The following KCNQ1 variants were observed in gnomAD, a reference collection of about 807,000 sequenced individuals.
KCNQ1 encodes the protein potassium voltage-gated channel subfamily KQT member 1.
Under a neutral mutation model 72.4 loss-of-function variants are expected in KCNQ1, and 49 were observed. The observed-to-expected ratio is 0.68, with a 90% CI of 0.54 to 0.86. The LOEUF (loss-of-function observed/expected upper bound fraction) is 0.86, where lower values mean the gene tolerates loss of function less well. KCNQ1 is among the 40% of genes least tolerant of loss of function. KCNQ1 has a pLI of 0.00. For missense variants in KCNQ1, 790 were observed against 945.1 expected (o/e 0.84, Z 2.15); for synonymous variants, 450 against 412.6 (o/e 1.09, Z -1.10).
intron 10 of KCNQ1, chr11:2,622,532 A>G: frequency 2.5e-6 from 1 of 398,422 alleles, no homozygotes; most frequent in Non-Finnish European, 4.4e-6. Context: ...AATTTAATCG[A>G]CTTACATTTA....
At chr11:2,552,798 A>T (rs998746293) in intron 2 of KCNQ1, among the ~76,000 whole-genome samples, 1 of 151,942 alleles carries the variant, frequency 6.6e-6, no homozygotes, top group African/African-American at 2.4e-5. Flanking sequence ...AGTAATACCG[A>T]GTTTTCCGAT....
Position 2,630,880 on chromosome 11 carries a change from T to A in KCNQ1, c.1394-31081T>A, listed in dbSNP as rs185376542. 2.5e-5 allele frequency: 10 copies of A among 398,538 alleles called. No homozygotes were observed. The Admixed American group carries it at 4.0e-4, about 16-fold the overall frequency. The allele number at this position is 398,538 out of a possible 1,614,324, so 24.7% of individuals were successfully genotyped here. ...TATTCTTAGATGGCAGTTTTTTATC[T>A]TTCAGAACTTTGAATATATAATCCT... On this transcript the variant is annotated intron_variant, in intron 10 of 15. Transcript: ENST00000155840.
intron 11 of KCNQ1, chr11:2,688,964 A>T (rs1850543693): frequency 1.0e-5 from 4 of 398,616 alleles, no homozygotes; most frequent in Non-Finnish European, 1.8e-5. Flanking sequence ...GGGCTCTGAG[A>T]GTAGGGGTCT....
intron 6 of KCNQ1, among the ~76,000 whole-genome samples, chr11:2,573,397 G>A (rs952179394): frequency 6.6e-6 from 1 of 152,130 alleles, no homozygotes; most frequent in Non-Finnish European, 1.5e-5. Context: ...CATACCTCGC[G>A]TGTCTCTGAG....
chr11:2,718,649 A>C (rs565278127), intron 11 of KCNQ1, among the ~76,000 whole-genome samples: 1 of 152,312 alleles, frequency 6.6e-6, no homozygotes, highest in Admixed American at 6.5e-5. Context: ...ATGACTCCCC[A>C]GCTGGCTCCG....
rs1181389832 is a variant in KCNQ1, at chr11:2,769,017, G to A, written c.1590+98G>A. On this transcript the variant is annotated intron_variant, in intron 12 of 15. Transcript: ENST00000155840. This position sits in a 1 kb window ranked among gnomAD's most constrained non-coding sequence, Gnocchi z 4.6. Reference sequence around the variant, plus strand: ...TGGGTTCTCTCCTGCCCATAGTGGAGGGTGTCAAGGCCTCCGCCCCCAAGC... The same window carrying A: ...TGGGTTCTCTCCTGCCCATAGTGGAAGGTGTCAAGGCCTCCGCCCCCAAGC... The A allele has an allele frequency of 9.6e-7, 1 of 1,037,192 alleles. No homozygotes were observed. Among genetic ancestry groups the A allele is most frequent in the Non-Finnish European group, 1.5e-6 (1 of 668,386 alleles). The allele number at this position is 1,037,192 out of a possible 1,614,324, so 64.2% of individuals were successfully genotyped here. A position where few individuals can be genotyped will look rare whatever the true frequency, so the allele number is the denominator to read the frequency against.
At chr11:2,786,546 A>G (rs945478927) in intron 15 of KCNQ1, among the ~76,000 whole-genome samples, 4 of 150,700 alleles carry the variant, frequency 2.7e-5, no homozygotes, top group African/African-American at 9.7e-5. Flanking sequence ...ATTGGCCAGT[A>G]GTAGACCACC....
intron 1 of KCNQ1, among the ~76,000 whole-genome samples, chr11:2,505,860 C>G (rs1847095516): frequency 6.6e-6 from 1 of 152,168 alleles, no homozygotes; most frequent in Admixed American, 6.5e-5. Flanking sequence ...CACTTTCAAT[C>G]TTTTTGTGTC....
At chr11:2,814,498 TGGAG>T (rs1194663202) in intron 15 of KCNQ1, among the ~76,000 whole-genome samples, 1 of 147,232 alleles carries the variant, frequency 6.8e-6, no homozygotes, top group African/African-American at 2.5e-5. Context: ...GATGGGGAGA[TGGAG>T]GGAAGGGAAG....
At chr11:2,522,919 G>A (rs1847413880) in intron 1 of KCNQ1, among the ~76,000 whole-genome samples, 1 of 152,226 alleles carries the variant, frequency 6.6e-6, no homozygotes, top group African/African-American at 2.4e-5. Context: ...GACCACCCAT[G>A]TGCAGTCTTC....
At chr11:2,545,002 A>G (rs1847886113) in intron 2 of KCNQ1, among the ~76,000 whole-genome samples, 1 of 152,214 alleles carries the variant, frequency 6.6e-6, no homozygotes, top group Non-Finnish European at 1.5e-5. Flanking sequence ...TTTAATATGA[A>G]TGGGTGTTAA....
intron 10 of KCNQ1, chr11:2,634,100 G>C: frequency 2.6e-6 from 1 of 392,120 alleles, no homozygotes; most frequent in Non-Finnish European, 4.5e-6. Context: ...TTTAAGGATT[G>C]TGTTTTTGCT....
Position 2,483,369 on chromosome 11 carries a change from C to A in KCNQ1, c.386+37885C>A, listed in dbSNP as rs970602248. 6.6e-6 allele frequency among the ~76,000 whole-genome samples: 1 copy of A among 152,188 alleles called. No individual in the cohort carries two copies. Among genetic ancestry groups the A allele is most frequent in the African/African-American group, 2.4e-5 (1 of 41,450 alleles). On this transcript the variant is annotated intron_variant, in intron 1 of 15. Transcript: ENST00000155840. This position sits in a 1 kb window ranked among gnomAD's most constrained non-coding sequence, Gnocchi z 6.1. ...AGTTCCACGACAGTACTGAGAGTTC[C>A]TGTGGACTCCTAGTATTAACATCTT...
In KCNQ1 at chr11:2,772,018, C is replaced by T. The variant is rs543543305; in HGVS notation, c.1590+3099C>T. On this transcript the variant is annotated intron_variant, in intron 12 of 15. Transcript: ENST00000155840. The surrounding 1 kb of genome is among the most constrained non-coding windows in gnomAD (Gnocchi z 6.6). ...AGAAACCTGGCAACAGCAGGATCCTCGCAGGGCACAGAGGCTCCTGCACAA... is the reference window on the plus strand; with the variant it reads ...AGAAACCTGGCAACAGCAGGATCCTTGCAGGGCACAGAGGCTCCTGCACAA... Among the ~76,000 whole-genome samples the T allele has an allele frequency of 6.6e-6, 1 of 152,298 alleles. No homozygotes were observed. Among genetic ancestry groups the T allele is most frequent in the South Asian group, 2.1e-4 (1 of 4,826 alleles).
rs866082262 is a variant in KCNQ1 at position 2,628,741 on chromosome 11, T to C, written c.1394-33220T>C. 1.5e-4 allele frequency: 59 copies of C among 398,428 alleles called. 1 individual carries two copies. In the Middle Eastern group the frequency reaches 9.5e-3, roughly 64 times the overall value. 24.7% of individuals were successfully genotyped at this position (398,428 alleles called of 1,614,324 possible). On this transcript the variant is annotated intron_variant, in intron 10 of 15. Coordinates refer to ENST00000155840, the MANE Select transcript of KCNQ1 (RefSeq NM_000218.3). ...AATGGCAAGGAGCTTTTCCCTGTTT[T>C]ATAGGTTTTATGGTTTCAGGTCATA...
rs1386929757 is a variant in KCNQ1 at position 2,629,273 on chromosome 11, G to A, written c.1394-32688G>A. ...TGTATCATCTTAGAATTTGTTCAATGTTTCATAGTTTTCAGTGTCTAGGTC... is the reference window on the plus strand; with the variant it reads ...TGTATCATCTTAGAATTTGTTCAATATTTCATAGTTTTCAGTGTCTAGGTC... On this transcript the variant is annotated intron_variant, in intron 10 of 15. Transcript: ENST00000155840. 17 of 398,164 alleles carry A rather than the reference G, an allele frequency of 4.3e-5. No individual in the cohort carries two copies. In the East Asian group the frequency reaches 5.7e-4, roughly 13 times the overall value. The allele number at this position is 398,164 out of a possible 1,614,324, so 24.7% of individuals were successfully genotyped here. A position where few individuals can be genotyped will look rare whatever the true frequency, so the allele number is the denominator to read the frequency against.
chr11:2,607,454 A>T (rs560509693), intron 10 of KCNQ1, among the ~76,000 whole-genome samples: 42 of 152,318 alleles, frequency 2.8e-4, no homozygotes, highest in African/African-American at 9.9e-4. Context: ...TGGTTAGGTC[A>T]TGAGGGTGGA....
intron 11 of KCNQ1, among the ~76,000 whole-genome samples, chr11:2,739,765 C>T (rs185567153): frequency 1.3e-5 from 2 of 152,334 alleles, no homozygotes; most frequent in Non-Finnish European, 2.9e-5. Context: ...GGTGTCCTTG[C>T]CCAGCTGGTA....
In KCNQ1 at chr11:2,818,906, C is replaced by T. The variant is rs893645510; in HGVS notation, c.1795-28861C>T. Reference sequence around the variant, plus strand: ...CACATCTAGGAGAGTGGGCCACATGCCTCTTGGAAGGCAGGTGGCACAAGA... The same window carrying T: ...CACATCTAGGAGAGTGGGCCACATGTCTCTTGGAAGGCAGGTGGCACAAGA... On this transcript the variant is annotated intron_variant, in intron 15 of 15. Transcript: ENST00000155840. The surrounding 1 kb of genome is among the most constrained non-coding windows in gnomAD (Gnocchi z 7.2). 7.9e-5 allele frequency among the ~76,000 whole-genome samples: 12 copies of T among 152,120 alleles called. No homozygotes were observed. The highest frequency in any genetic ancestry group is 1.5e-4 in the Non-Finnish European group (10 of 68,022).
Sources: gnomAD v4.1 joint callset for allele counts (sites outside exome capture counted in the v4.1 genomes callset) on GRCh38, gnomAD v4.1.1 for gene constraint, Gnocchi (gnomAD v3.1) non-coding constraint, MANE v1.5 for transcripts, NCBI Gene and HGNC (gene_info 2026-07-23, HGNC 2026-07-21) for gene names.